Variants in CCDC192 observed in about 807,000 individuals in gnomAD.
CCDC192 encodes coiled-coil domain containing 192.
At chr5:127,923,578 C>T (rs1452882579) in intron 6 of CCDC192, among the ~76,000 whole-genome samples, 11 of 152,104 alleles carry the variant, frequency 7.2e-5, no homozygotes, top group Admixed American at 4.6e-4. Flanking sequence ...GGGGTTTCAC[C>T]GTGTTAGCCA....
At chr5:127,902,980 T>C (rs756116464) in intron 6 of CCDC192, among the ~76,000 whole-genome samples, 1 of 152,178 alleles carries the variant, frequency 6.6e-6, no homozygotes, top group African/African-American at 2.4e-5. Flanking sequence ...AGGGAATGTA[T>C]AGGCTTTTTT....
chr5:127,857,168 A>T (rs1342335243), intron 5 of CCDC192, among the ~76,000 whole-genome samples: 1 of 152,216 alleles, frequency 6.6e-6, no homozygotes, highest in Non-Finnish European at 1.5e-5. Flanking sequence ...CATGATACCA[A>T]CAATAACACC....
intron 5 of CCDC192, among the ~76,000 whole-genome samples, chr5:127,827,228 A>G (rs149987719): frequency 1.3e-5 from 2 of 152,290 alleles, no homozygotes; most frequent in Non-Finnish European, 1.5e-5. Context: ...AGAGAAGTCA[A>G]TTTGTCCTTC....
At chr5:127,899,271 TTGTC>T (rs1752977754) in intron 6 of CCDC192, among the ~76,000 whole-genome samples, 1 of 152,046 alleles carries the variant, frequency 6.6e-6, no homozygotes, top group Admixed American at 6.5e-5. Flanking sequence ...ATACAGACAT[TTGTC>T]TGAGGAGAGA....
intron 5 of CCDC192, among the ~76,000 whole-genome samples, chr5:127,827,615 G>T (rs113379133): frequency 2.0e-5 from 3 of 152,192 alleles, no homozygotes; most frequent in African/African-American, 7.2e-5. Context: ...GGCGTGGTCT[G>T]CGGAAGAACG....
intron 6 of CCDC192, among the ~76,000 whole-genome samples, chr5:127,911,664 T>C (rs1753355819): frequency 6.6e-6 from 1 of 150,906 alleles, no homozygotes; most frequent in Admixed American, 6.6e-5. Flanking sequence ...GAGTGACAGA[T>C]AATACAACAA....
intron 5 of CCDC192, among the ~76,000 whole-genome samples, chr5:127,859,508 A>G (rs181876117): frequency 3.2e-4 from 48 of 151,886 alleles, no homozygotes; most frequent in Admixed American, 2.5e-3. Flanking sequence ...TGGTGAATCA[A>G]TCTCTAGGAA....
intron 3 of CCDC192, among the ~76,000 whole-genome samples, chr5:127,758,692 A>G (rs1754748479): frequency 1.3e-5 from 2 of 152,210 alleles, no homozygotes; most frequent in Admixed American, 6.5e-5. Flanking sequence ...TAATAGATAA[A>G]AAAAAGGGTG....
At chr5:127,746,664 A>T (rs1158778240) in intron 2 of CCDC192, among the ~76,000 whole-genome samples, 2 of 150,576 alleles carry the variant, frequency 1.3e-5, no homozygotes, top group South Asian at 2.1e-4. Flanking sequence ...TACTGGAACC[A>T]TCAGGGATCC....
chr5:127,877,675 C>CT (rs5871278), intron 6 of CCDC192, among the ~76,000 whole-genome samples: 99,936 of 151,916 alleles, frequency 0.66, 32,846 homozygotes, highest in Non-Finnish European at 0.68. Flanking sequence ...TCTCAGAAAT[C>CT]TGGTCACCTT....
intron 3 of CCDC192, among the ~76,000 whole-genome samples, chr5:127,781,105 G>A (rs1756192191): frequency 6.6e-6 from 1 of 152,040 alleles, no homozygotes; most frequent in South Asian, 2.1e-4. Context: ...CCTACTTTAT[G>A]TTTTTGTTTG....
chr5:127,916,120 G>A (rs1403815484), intron 6 of CCDC192, among the ~76,000 whole-genome samples: 1 of 152,114 alleles, frequency 6.6e-6, no homozygotes, highest in Non-Finnish European at 1.5e-5. Context: ...ATTTCAACAA[G>A]GTTCACAGCA....
chr5:127,924,531 A>AT (rs1753813810), intron 6 of CCDC192, among the ~76,000 whole-genome samples: 2 of 152,246 alleles, frequency 1.3e-5, no homozygotes, highest in African/African-American at 4.8e-5. Context: ...TTATCTTTTA[A>AT]AGCCAGGAAT....
At chr5:127,842,997 C>T (rs942178444) in intron 5 of CCDC192, among the ~76,000 whole-genome samples, 2 of 150,336 alleles carry the variant, frequency 1.3e-5, no homozygotes, top group African/African-American at 4.9e-5. Flanking sequence ...TCTGCTTCAT[C>T]ACCTTAATTT....
chr5:127,788,875 A>T (rs996576509), intron 3 of CCDC192, among the ~76,000 whole-genome samples: 3 of 152,276 alleles, frequency 2.0e-5, no homozygotes, highest in Admixed American at 6.5e-5. Flanking sequence ...GGTATTTGGA[A>T]GGGGTACATT....
At chr5:127,867,880 G>A (rs1279988571) in intron 5 of CCDC192, among the ~76,000 whole-genome samples, 2 of 152,178 alleles carry the variant, frequency 1.3e-5, no homozygotes, top group East Asian at 1.9e-4. Context: ...AGATTTGGCA[G>A]CATTACCCAA....
intron 3 of CCDC192, among the ~76,000 whole-genome samples, chr5:127,758,937 G>A (rs1754760923): frequency 6.6e-6 from 1 of 152,196 alleles, no homozygotes. Context: ...CCATACTTTT[G>A]CAATGAAGTC....
At chr5:127,775,638 A>G (rs1367597910) in intron 3 of CCDC192, among the ~76,000 whole-genome samples, 1 of 152,184 alleles carries the variant, frequency 6.6e-6, no homozygotes, top group Non-Finnish European at 1.5e-5. Context: ...ATAGAAACAT[A>G]AACTGACTTT....
At chr5:127,903,432 G>A (rs538956095) in intron 6 of CCDC192, among the ~76,000 whole-genome samples, 2 of 152,110 alleles carry the variant, frequency 1.3e-5, no homozygotes, top group South Asian at 2.1e-4. Context: ...TAGTAGAGAC[G>A]GGGTTTTGCC....
Sources: gnomAD v4.1 joint callset for allele counts (sites outside exome capture counted in the v4.1 genomes callset) on GRCh38, gnomAD v4.1.1 for gene constraint, MANE v1.5 for transcripts, NCBI Gene and HGNC (gene_info 2026-07-23, HGNC 2026-07-21) for gene names.